TAF3: variants seen among roughly 807,000 people sequenced by gnomAD.
TAF3 encodes transcription initiation factor TFIID subunit 3.
Under a neutral mutation model 80.6 loss-of-function variants are expected in TAF3, and 7 were observed. The observed-to-expected ratio is 0.09, with a 90% CI of 0.05 to 0.16. TAF3 has a LOEUF of 0.16. Among genes scored for constraint, TAF3 ranks in the 10% least tolerant of loss-of-function variants. TAF3 has a pLI of 1.00. For missense variants in TAF3, 921 were observed against 1,140.2 expected (o/e 0.81, Z 2.77); for synonymous variants, 444 against 446.1 (o/e 1.00, Z 0.06).
chr10:7,840,449 G>A (rs945662449), intron 2 of TAF3, among the ~76,000 whole-genome samples: 1 of 151,316 alleles, frequency 6.6e-6, no homozygotes, highest in East Asian at 1.9e-4. Flanking sequence ...ACCGCGCCCG[G>A]CCTGGAAAAT....
chr10:7,985,608 T>G (rs755489250), intron 4 of TAF3, among the ~76,000 whole-genome samples: 1 of 152,226 alleles, frequency 6.6e-6, no homozygotes, highest in Non-Finnish European at 1.5e-5. Flanking sequence ...CTACAGCTTC[T>G]TGTTAAGACC....
intron 2 of TAF3, among the ~76,000 whole-genome samples, chr10:7,917,586 A>G (rs1837722959): frequency 6.6e-6 from 1 of 152,178 alleles, no homozygotes. Context: ...AGGATGCAGC[A>G]TGGTCTAATT....
chr10:7,937,946 A>G (rs1458629026), intron 2 of TAF3, among the ~76,000 whole-genome samples: 12 of 152,228 alleles, frequency 7.9e-5, no homozygotes, highest in Admixed American at 7.9e-4. Context: ...TCAGTGGAAC[A>G]TCCTGCTTGG....
intron 2 of TAF3, among the ~76,000 whole-genome samples, chr10:7,897,069 A>G (rs1027094895): frequency 2.6e-5 from 4 of 152,186 alleles, no homozygotes; most frequent in African/African-American, 9.7e-5. Flanking sequence ...TCAAATCCTC[A>G]TGCTTTGAAT....
At chr10:7,969,059 T>G (rs1831598429) in intron 3 of TAF3, among the ~76,000 whole-genome samples, 1 of 152,082 alleles carries the variant, frequency 6.6e-6, no homozygotes, top group South Asian at 2.1e-4. Flanking sequence ...CTCCCAATAG[T>G]TTAGGAGGCC....
At chr10:7,880,591 G>T (rs1440433769) in intron 2 of TAF3, among the ~76,000 whole-genome samples, 5 of 152,094 alleles carry the variant, frequency 3.3e-5, no homozygotes, top group Admixed American at 1.3e-4. Context: ...TCCTGCTGAC[G>T]TTGTTTCCTT....
At chr10:7,962,563 T>C (rs1301391817) in intron 2 of TAF3, among the ~76,000 whole-genome samples, 1 of 152,244 alleles carries the variant, frequency 6.6e-6, no homozygotes, top group Non-Finnish European at 1.5e-5. Flanking sequence ...TGCACTCTAC[T>C]TTCCAGACAA....
chr10:7,888,044 T>A (rs1355014144), intron 2 of TAF3, among the ~76,000 whole-genome samples: 2 of 152,118 alleles, frequency 1.3e-5, no homozygotes, highest in Non-Finnish European at 2.9e-5. Flanking sequence ...CAGCTTAGGT[T>A]CCCTTGCTCT....
intron 2 of TAF3, among the ~76,000 whole-genome samples, chr10:7,848,466 T>C (rs1166389750): frequency 6.6e-6 from 1 of 152,202 alleles, no homozygotes; most frequent in Non-Finnish European, 1.5e-5. Context: ...TCTTAAGATT[T>C]TGTCTGCAAT....
chr10:7,923,836 A>G (rs748254912), intron 2 of TAF3, among the ~76,000 whole-genome samples: 4 of 152,210 alleles, frequency 2.6e-5, no homozygotes, highest in Non-Finnish European at 5.9e-5. Flanking sequence ...TGACTTTTTA[A>G]TACAGAAAGC....
intron 4 of TAF3, among the ~76,000 whole-genome samples, chr10:8,000,977 T>G (rs1393419141): frequency 6.6e-6 from 1 of 152,232 alleles, no homozygotes; most frequent in East Asian, 1.9e-4. Context: ...TGTGCACACA[T>G]GTGTATCACC....
chr10:7,874,987 A>G (rs755138214), intron 2 of TAF3, among the ~76,000 whole-genome samples: 34 of 152,062 alleles, frequency 2.2e-4, no homozygotes, highest in Non-Finnish European at 1.9e-4. Context: ...GTGCTTCTTA[A>G]TCCTTCAAAA....
At chr10:7,836,722 A>C (rs1836855486) in intron 2 of TAF3, among the ~76,000 whole-genome samples, 1 of 152,200 alleles carries the variant, frequency 6.6e-6, no homozygotes, top group African/African-American at 2.4e-5. Context: ...TAATTCTGCT[A>C]ATTTTCTTTC....
chr10:7,909,986 C>T (rs1287322389), intron 2 of TAF3, among the ~76,000 whole-genome samples: 3 of 152,110 alleles, frequency 2.0e-5, no homozygotes, highest in Admixed American at 6.5e-5. Flanking sequence ...TACTTGAAAT[C>T]GTCTCCAGGT....
chr10:7,977,393 C>G, intron 4 of TAF3, 70 bp downstream of exon 4: 1 of 1,451,456 alleles, frequency 6.9e-7, no homozygotes, highest in South Asian at 1.2e-5. Flanking sequence ...TCCTAAGGGA[C>G]TTAGAATTCC....
Position 8,009,420 on chromosome 10 carries a change from A to G in TAF3, c.2568+90A>G, listed in dbSNP as rs1832031850. The G allele has an allele frequency of 2.1e-6, 3 of 1,434,416 alleles. No individual in the cohort carries two copies. The highest frequency in any genetic ancestry group is 1.8e-6 in the Non-Finnish European group (2 of 1,085,964). 88.9% of individuals were successfully genotyped at this position (1,434,416 alleles called of 1,614,324 possible). On this transcript the variant is annotated intron_variant, in intron 5 of 6. Transcript: ENST00000344293. This position sits in a 1 kb window ranked among gnomAD's most constrained non-coding sequence, Gnocchi z 4.1. ...TGAATCACTATCGAATTTCAGACGCATTTCTCTTCAAAATTTTATTATTTA... is the reference window on the plus strand; with the variant it reads ...TGAATCACTATCGAATTTCAGACGCGTTTCTCTTCAAAATTTTATTATTTA...
chr10:7,877,571 T>C (rs528723056), intron 2 of TAF3, among the ~76,000 whole-genome samples: 2 of 152,326 alleles, frequency 1.3e-5, no homozygotes, highest in Admixed American at 1.3e-4. Flanking sequence ...CATTTATTGT[T>C]AGAATTTTCC....
At chr10:7,941,103 T>C (rs567237286) in intron 2 of TAF3, among the ~76,000 whole-genome samples, 2 of 152,080 alleles carry the variant, frequency 1.3e-5, no homozygotes, top group African/African-American at 2.4e-5. Context: ...GTTGGAAACA[T>C]AGAGAGCCAC....
At chr10:8,003,314 C>T in intron 4 of TAF3, among the ~76,000 whole-genome samples, 2 of 151,674 alleles carry the variant, frequency 1.3e-5, no homozygotes, top group East Asian at 1.9e-4. Flanking sequence ...CTAGAAATTA[C>T]CATACTTTAT....
Sources: gnomAD v4.1 joint callset for allele counts (sites outside exome capture counted in the v4.1 genomes callset) on GRCh38, gnomAD v4.1.1 for gene constraint, Gnocchi (gnomAD v3.1) non-coding constraint, MANE v1.5 for transcripts, NCBI Gene and HGNC (gene_info 2026-07-23, HGNC 2026-07-21) for gene names.